Variants in CDHR2 observed in about 807,000 individuals in gnomAD.
The protein encoded by CDHR2 is cadherin-related family member 2.
A neutral mutation model predicts 138.6 loss-of-function variants in CDHR2; 104 were observed. The observed-to-expected ratio is 0.75, with a 90% CI of 0.64 to 0.88. CDHR2 has a LOEUF of 0.88. CDHR2 is among the 40% of genes least tolerant of loss of function. CDHR2 has a pLI of 0.00. For missense variants in CDHR2, 1,624 were observed against 1,727.6 expected (o/e 0.94, Z 1.06); for synonymous variants, 755 against 742.8 (o/e 1.02, Z -0.27).
At chr5:176,590,708 G>C (rs549092107) in intron 28 of CDHR2, 21 bp downstream of exon 28, 3 of 1,612,130 alleles carry the variant, frequency 1.9e-6, no homozygotes, top group Admixed American at 1.7e-5. Context: ...CATTGCCCCC[G>C]TGTCTCCAAC....
chr5:176,581,305 G>T, intron 16 of CDHR2, 38 bp from the exon 17 acceptor site: 1 of 1,606,206 alleles, frequency 6.2e-7, no homozygotes, highest in South Asian at 1.1e-5. Flanking sequence ...GGCTGGGAAT[G>T]CCGATGGCCG....
chr5:176,554,031 T>C (rs1312735758), intron 1 of CDHR2, among the ~76,000 whole-genome samples: 2 of 152,140 alleles, frequency 1.3e-5, no homozygotes, highest in Non-Finnish European at 2.9e-5. Context: ...AACTTACTAA[T>C]TCCCCTGAGC....
intron 31 of CDHR2, among the ~76,000 whole-genome samples, chr5:176,594,843 G>A (rs2113341270): frequency 6.6e-6 from 1 of 152,046 alleles, no homozygotes; most frequent in East Asian, 1.9e-4. Flanking sequence ...ACAGGAGGGT[G>A]TGTGTGTGTG....
chr5:176,586,943 C>T (rs1758685978), intron 21 of CDHR2, 101 bp downstream of exon 21: 1 of 941,334 alleles, frequency 1.1e-6, no homozygotes, highest in Non-Finnish European at 1.7e-6. Context: ...ATATGGGCTC[C>T]AACACATGAA....
chr5:176,560,163 G>A (rs1460094536), intron 1 of CDHR2, among the ~76,000 whole-genome samples: 3 of 152,196 alleles, frequency 2.0e-5, no homozygotes, highest in African/African-American at 4.8e-5. Flanking sequence ...TTGGGAGACC[G>A]AGGCGGGCAG....
At chr5:176,558,456 C>T (rs1316164755) in intron 1 of CDHR2, among the ~76,000 whole-genome samples, 8 of 147,450 alleles carry the variant, frequency 5.4e-5, no homozygotes, top group East Asian at 4.0e-4. Flanking sequence ...CGATTTCGGC[C>T]CACTGCAACC....
At chr5:176,568,592 G>A (rs1394871537) in intron 3 of CDHR2, 86 bp from the exon 4 acceptor site, 13 of 1,491,330 alleles carry the variant, frequency 8.7e-6, no homozygotes, top group Middle Eastern at 3.6e-4. Context: ...GCAGCCAGGC[G>A]CCCAGCCCAG....
At position 176,592,751 on chromosome 5, in the gene CDHR2, G is replaced by C; in HGVS notation, c.3763G>C (p.Asp1255His). The C allele has an allele frequency of 6.2e-7, 1 of 1,613,868 alleles. No homozygotes were observed. Among genetic ancestry groups the C allele is most frequent in the Non-Finnish European group, 8.5e-7 (1 of 1,179,852 alleles). Reference protein sequence around the residue: ...SVNSLDDNSVDVDKNSQEIKE... With the variant: ...SVNSLDDNSVHVDKNSQEIKE... ...CAACTCCCTGGACGACAACTCTGTG[G>C]ATGTGGACAAGAACAGTCAGGAAAT... is the stretch of plus-strand genomic sequence containing the variant. Residue 1255 changes from aspartate to histidine, a missense_variant, in exon 31 of 32, where the codon GAT (aspartate) becomes CAT (histidine). Around this residue, in one of 3 missense-constraint regions of CDHR2, gnomAD observed 556 missense variants for 565.7 expected, o/e 0.98. Coordinates refer to ENST00000261944, the MANE Select transcript of CDHR2 (RefSeq NM_017675.6).
rs57570865 is a variant in CDHR2 at position 176,558,665 on chromosome 5, G to A, written c.-15-6673G>A. 7.9e-3 allele frequency among the ~76,000 whole-genome samples: 1,203 copies of A among 152,152 alleles called. 16 individuals carry two copies. Among genetic ancestry groups the A allele is most frequent in the African/African-American group, 0.027 (1,124 of 41,530 alleles). ...CTCCCAAAGTGCTGGGATTACAGGC[G>A]TGAGCCACCGCGCCTGGCTAATTTT... On this transcript the variant is annotated intron_variant, in intron 1 of 31. Coordinates refer to ENST00000261944, the MANE Select transcript of CDHR2 (RefSeq NM_017675.6).
chr5:176,560,262 T>G (rs1276839069), intron 1 of CDHR2, among the ~76,000 whole-genome samples: 1 of 152,042 alleles, frequency 6.6e-6, no homozygotes, highest in African/African-American at 2.4e-5. Context: ...CCAGGCGTGG[T>G]GGCGCACCCT....
chr5:176,571,895 TCAAATCATATCTTGATTTGATTTGAGC>T (rs1393199632), intron 6 of CDHR2, among the ~76,000 whole-genome samples: 23 of 152,130 alleles, frequency 1.5e-4, no homozygotes, highest in Non-Finnish European at 3.1e-4. Flanking sequence ...ATCCAGGTAC[TCAAATCATATCTTGATTTGATTTGAGC>T]CAAATCATAT....
At chr5:176,564,056 G>T (rs953318381) in intron 1 of CDHR2, among the ~76,000 whole-genome samples, 1 of 152,188 alleles carries the variant, frequency 6.6e-6, no homozygotes, top group Admixed American at 6.5e-5. Context: ...CTGTCTTACA[G>T]AAAGATTATA....
chr5:176,577,358 A>G (rs1184224653), intron 12 of CDHR2, 41 bp from the exon 13 acceptor site: 1 of 1,578,756 alleles, frequency 6.3e-7, no homozygotes, highest in South Asian at 1.2e-5. Context: ...AGGTGGGCAG[A>G]GCAGGGGGAC....
intron 17 of CDHR2, among the ~76,000 whole-genome samples, chr5:176,582,463 C>A (rs927179891): frequency 2.6e-5 from 4 of 152,246 alleles, no homozygotes; most frequent in African/African-American, 9.6e-5. Flanking sequence ...TCACTGAGCC[C>A]GGTTTATTAC....
chr5:176,592,853 C>A (rs1422031563), intron 31 of CDHR2, 73 bp downstream of exon 31: 1 of 1,286,528 alleles, frequency 7.8e-7, no homozygotes, highest in African/African-American at 1.5e-5. Flanking sequence ...GGGCAGAGCT[C>A]AAGGGACCTG....
intron 20 of CDHR2, 97 bp downstream of exon 20, chr5:176,586,122 T>A (rs1758659066): frequency 1.1e-6 from 1 of 908,282 alleles, no homozygotes; most frequent in African/African-American, 1.6e-5. Context: ...GGGGAGCCTT[T>A]AGAAAGGGGG....
Position 176,577,434 on chromosome 5 carries a change from C to A in CDHR2, c.1230C>A (p.Gly410=), listed in dbSNP as rs1421099230. The A allele has an allele frequency of 1.2e-6, 2 of 1,609,886 alleles. No homozygotes were observed. Among genetic ancestry groups the A allele is most frequent in the Admixed American group, 1.7e-5 (1 of 59,250 alleles). Residue 410 remains glycine (G), a synonymous_variant, in exon 13 of 32, where the codon GGC becomes GGA. Coordinates refer to ENST00000261944, the MANE Select transcript of CDHR2 (RefSeq NM_017675.6). The part of the protein sequence containing the change: ...SNGTFLLSLG[G]PDAEAFSVSP... Reference sequence around the variant, plus strand: ...GCACCTTCCTGTTGTCGCTGGGGGGCCCCGATGCAGAAGCCTTCAGCGTCT... The same window carrying A: ...GCACCTTCCTGTTGTCGCTGGGGGGACCCGATGCAGAAGCCTTCAGCGTCT...
intron 16 of CDHR2, among the ~76,000 whole-genome samples, chr5:176,580,233 CAT>C (rs1279465898): frequency 6.6e-6 from 1 of 152,016 alleles, no homozygotes; most frequent in Non-Finnish European, 1.5e-5. Context: ...CTATTTAAAA[CAT>C]ATAGCGCTGA....
At chr5:176,555,192 T>G (rs4077095) in intron 1 of CDHR2, among the ~76,000 whole-genome samples, 44,596 of 152,112 alleles carry the variant, frequency 0.29, 7,002 homozygotes, top group East Asian at 0.49. Flanking sequence ...AAAAAGAGCT[T>G]CTTATTCTAT....
Sources: allele counts gnomAD v4.1 joint callset (sites outside exome capture counted in the v4.1 genomes callset), GRCh38; gene constraint gnomAD v4.1.1; regional missense constraint gnomAD v4.1.1; transcripts MANE v1.5; gene names NCBI Gene and HGNC (gene_info 2026-07-23, HGNC 2026-07-21).